SOX5: variants seen among roughly 807,000 people sequenced by gnomAD.
SOX5 encodes the protein SRY-box transcription factor 5.
A neutral mutation model predicts 92.0 loss-of-function variants in SOX5; 9 were observed. The observed-to-expected ratio is 0.10, with a 90% confidence interval of 0.06 to 0.17. SOX5 has a LOEUF of 0.17. SOX5 is among the 10% of genes least tolerant of loss of function. SOX5 has a pLI of 1.00. For synonymous variants in SOX5, 344 were observed against 336.3 expected, an observed-to-expected ratio of 1.02 and a Z score of -0.25; for missense variants, 642 against 944.5, an observed-to-expected ratio of 0.68 and a Z score of 4.20.
chr12:23,920,761 G>T (rs1463108808), intron 1 of SOX5: 1 of 152,062 alleles, frequency 6.6e-6, no homozygotes, highest in Non-Finnish European at 1.5e-5. Context: ...ATTTTCCATA[G>T]TTACTTAATT....
In SOX5 at chr12:23,899,830, G is replaced by A. The variant is rs1433468045; in HGVS notation, c.39-3806C>T. On this transcript the variant is annotated intron_variant, in intron 1 of 14. Transcript: ENST00000451604. ...AATGGGAATAAAAAACCTATTTCTC[G>A]GCCTCTGGTTAAAGAAGCTTATGAG... Among the ~76,000 whole-genome samples the A allele has an allele frequency of 3.3e-5, 5 of 152,012 alleles. No individual in the cohort carries two copies. In the East Asian group the frequency reaches 5.8e-4, roughly 18 times the overall value.
At chr12:24,317,733 TCC>T (rs1949830736) in intron 2 of SOX5, among the ~76,000 whole-genome samples, 1 of 152,180 alleles carries the variant, frequency 6.6e-6, no homozygotes, top group African/African-American at 2.4e-5. Flanking sequence ...CACCTTCGTT[TCC>T]CTTCCATCTA....
chr12:23,819,453 G>T (rs2096063415), intron 3 of SOX5, among the ~76,000 whole-genome samples: 1 of 152,080 alleles, frequency 6.6e-6, no homozygotes, highest in Non-Finnish European at 1.5e-5. Flanking sequence ...TCTACTGTAA[G>T]TTCTGGGATA....
At chr12:23,591,514 C>T (rs963391911) in intron 9 of SOX5, among the ~76,000 whole-genome samples, 2 of 151,910 alleles carry the variant, frequency 1.3e-5, no homozygotes, top group African/African-American at 4.8e-5. Flanking sequence ...TTAATGAATG[C>T]TAATAGAAAA....
upstream of SOX5, among the ~76,000 whole-genome samples, chr12:23,950,581 C>T (rs1945449443): frequency 6.6e-6 from 1 of 152,126 alleles, no homozygotes; most frequent in African/African-American, 2.4e-5. Flanking sequence ...AACATAAAAA[C>T]AAAAAGACGG....
At chr12:23,714,652 A>C (rs1489407455) in intron 6 of SOX5, among the ~76,000 whole-genome samples, 1 of 152,138 alleles carries the variant, frequency 6.6e-6, no homozygotes, top group Admixed American at 6.5e-5. Context: ...AAAAACCCAC[A>C]ACAGTATGTC....
At chr12:24,412,610 T>C (rs144183006) in intron 1 of SOX5, among the ~76,000 whole-genome samples, 14 of 152,226 alleles carry the variant, frequency 9.2e-5, no homozygotes, top group African/African-American at 2.9e-4. Context: ...CTGTTATTGA[T>C]TTCTAATTTG....
chr12:23,873,421 C>T (rs960787257), intron 2 of SOX5, among the ~76,000 whole-genome samples: 1 of 152,110 alleles, frequency 6.6e-6, no homozygotes, highest in Non-Finnish European at 1.5e-5. Flanking sequence ...TGCAGCGAGC[C>T]AAGATAGTGC....
Position 23,983,476 on chromosome 12 carries a change from C to G in SOX5, c.-1-87452G>C, listed in dbSNP as rs563206020. 1.2e-3 allele frequency among the ~76,000 whole-genome samples: 177 copies of G among 152,226 alleles called. 1 individual carries two copies. The highest frequency in any genetic ancestry group is 4.0e-3 in the African/African-American group (165 of 41,542). On this transcript the variant is annotated intron_variant, in intron 4 of 4. Coordinates refer to the SOX5 transcript ENST00000446891. ...CAGCTGTCACAGGAGGTCTCATGAG[C>G]AGTTAGTTGCAGAAAAGGGAATTAC...
intron 4 of SOX5, among the ~76,000 whole-genome samples, chr12:24,185,229 A>T (rs761141629): frequency 6.6e-6 from 1 of 152,018 alleles, no homozygotes; most frequent in Non-Finnish European, 1.5e-5. Context: ...AACTAAACAT[A>T]CCCTTGAAAT....
chr12:24,195,016 A>G (rs1260810228), intron 4 of SOX5, among the ~76,000 whole-genome samples: 2 of 152,126 alleles, frequency 1.3e-5, no homozygotes, highest in African/African-American at 2.4e-5. Context: ...TGGGGCTGGC[A>G]TTAGAAATGG....
chr12:24,143,745 C>G (rs546957781), intron 4 of SOX5, among the ~76,000 whole-genome samples: 1 of 151,636 alleles, frequency 6.6e-6, no homozygotes, highest in African/African-American at 2.4e-5. Flanking sequence ...ACACTCTACT[C>G]TGGGAACTGT....
chr12:24,074,630 C>CAAAA (rs76320418), intron 4 of SOX5, among the ~76,000 whole-genome samples: 5,887 of 51,170 alleles, frequency 0.12, 706 homozygotes, highest in Non-Finnish European at 0.17. Context: ...TGTAAACTAC[C>CAAAA]AAAAAAAAAA....
intron 7 of SOX5, among the ~76,000 whole-genome samples, chr12:23,663,242 C>CT (rs1177420987): frequency 1.3e-5 from 2 of 152,066 alleles, no homozygotes; most frequent in Non-Finnish European, 2.9e-5. Context: ...GCTGTAAAGG[C>CT]TTTTTTTCTG....
intron 3 of SOX5, among the ~76,000 whole-genome samples, chr12:23,797,246 C>T (rs1166533835): frequency 6.6e-6 from 1 of 151,982 alleles, no homozygotes; most frequent in African/African-American, 2.4e-5. Context: ...AACAGAGATA[C>T]TTAAACCTGC....
upstream of SOX5, chr12:23,949,750 CTCCCT>C: frequency 4.6e-5 from 44 of 949,794 alleles, no homozygotes; most frequent in Admixed American, 8.5e-5. Flanking sequence ...CTCTCTCTCT[CTCCCT>C]CTCTCTCTCT....
intron 2 of SOX5, among the ~76,000 whole-genome samples, chr12:24,350,863 G>A (rs1953989103): frequency 1.3e-5 from 2 of 152,042 alleles, no homozygotes; most frequent in East Asian, 1.9e-4. Context: ...AACTAGCCTG[G>A]CCAACATGAC....
chr12:23,793,621 T>C (rs1352182350), intron 3 of SOX5, among the ~76,000 whole-genome samples: 1 of 152,182 alleles, frequency 6.6e-6, no homozygotes, highest in Non-Finnish European at 1.5e-5. Flanking sequence ...AGCAAGATCA[T>C]GTTGTGTGAA....
At chr12:23,771,261 A>T (rs1422809067) in intron 3 of SOX5, among the ~76,000 whole-genome samples, 1 of 152,028 alleles carries the variant, frequency 6.6e-6, no homozygotes, top group Non-Finnish European at 1.5e-5. Context: ...AGCTACAGTA[A>T]GCCCCTTTTC....
Sources: gnomAD v4.1 joint callset for allele counts (sites outside exome capture counted in the v4.1 genomes callset) on GRCh38, gnomAD v4.1.1 for gene constraint, MANE v1.5 for transcripts, NCBI Gene and HGNC (gene_info 2026-07-23, HGNC 2026-07-21) for gene names.